The following CLEC4A variants were observed in gnomAD, a reference collection of about 807,000 sequenced individuals.
CLEC4A encodes C-type lectin domain family 4 member A, also known as C-type (calcium dependent, carbohydrate-recognition domain) lectin, superfamily member 6.
In CLEC4A, 27 loss-of-function variants were observed where a neutral mutation model predicts 32.7. The observed-to-expected ratio is 0.83, with a 90% confidence interval of 0.61 to 1.14. The LOEUF (loss-of-function observed/expected upper bound fraction) is 1.14. Among genes scored for constraint, CLEC4A ranks in the 50% most tolerant of loss-of-function variants. CLEC4A has a pLI of 0.00. For synonymous variants in CLEC4A, 89 were observed against 93.7 expected (o/e 0.95, Z 0.29); for missense variants, 253 against 274.6 (o/e 0.92, Z 0.55).
At chr12:8,135,037 A>ATTTTTTTTTTTTTTT (rs1948086052) in intron 3 of CLEC4A, among the ~76,000 whole-genome samples, 1 of 10,278 alleles carries the variant, frequency 9.7e-5, no homozygotes, top group African/African-American at 2.2e-4. Flanking sequence ...AATTCTAACA[A>ATTTTTTTTTTTTTTT]TTTTATTATC....
chr12:8,129,268 C>A lies in CLEC4A; in HGVS notation c.204C>A (p.Phe68Leu). 6.3e-7 allele frequency: 1 copy of A among 1,586,086 alleles called. No individual in the cohort carries two copies. The highest frequency in any genetic ancestry group is 1.4e-5 in the African/African-American group (1 of 73,808). Residue 68 changes from phenylalanine (F) to leucine (L), a missense_variant, in exon 3 of 6, where the codon TTC (phenylalanine) becomes TTA (leucine). Physicochemically the swap from Phe to Leu is conservative, Grantham distance 22 (BLOSUM62 0). Coordinates refer to ENST00000229332, the MANE Select transcript of CLEC4A (RefSeq NM_016184.4). ...AISFFIAFVIFFQKYSQLLEK... is the reference protein window; with the variant it reads ...AISFFIAFVILFQKYSQLLEK... ...GGTCTTTATTCTCTTTTCCAGTTTTCTTTCAAAAATATTCTCAGCTTCTTG... is the reference window on the plus strand; with the variant it reads ...GGTCTTTATTCTCTTTTCCAGTTTTATTTCAAAAATATTCTCAGCTTCTTG...
intron 2 of CLEC4A, 26 bp downstream of exon 2, chr12:8,125,703 G>A: frequency 1.5e-6 from 2 of 1,301,656 alleles, no homozygotes; most frequent in Admixed American, 3.4e-5. Context: ...GAACCAATAA[G>A]CAATATCTGC....
intron 3 of CLEC4A, among the ~76,000 whole-genome samples, chr12:8,135,111 T>A (rs999337281): frequency 1.5e-5 from 2 of 130,532 alleles, no homozygotes; most frequent in Non-Finnish European, 3.2e-5. Context: ...GTCTTGAACT[T>A]CTGGGATCAA....
chr12:8,104,166 C>T, the CLEC4A span, among the ~76,000 whole-genome samples: 2 of 19,300 alleles, frequency 1.0e-4, no homozygotes, highest in Non-Finnish European at 1.9e-4. Context: ...CAGAAAATCT[C>T]ATTTTTTTTT....
chr12:8,138,201 A>G lies in CLEC4A; in HGVS notation c.628A>G (p.Lys210Glu), dbSNP rs1948160349. 1 of 1,614,026 alleles carries G rather than the reference A, an allele frequency of 6.2e-7. No individual in the cohort carries two copies. Among genetic ancestry groups the G allele is most frequent in the Admixed American group, 1.7e-5 (1 of 59,990 alleles). Residue 210 changes from lysine (K) to glutamate (E), a missense_variant, in exon 6 of 6, where the codon AAA (lysine) becomes GAA (glutamate). Coordinates refer to ENST00000229332, the MANE Select transcript of CLEC4A (RefSeq NM_016184.4). ...GCGCTGCGTTGTGCTAAATTTTCGT[A>G]AATCACCCAAAAGATGGGGCTGGAA... ...NERCVVLNFR[K>E]SPKRWGWNDV...
intron 4 of CLEC4A, 64 bp downstream of exon 4, chr12:8,135,800 A>G: frequency 6.5e-7 from 1 of 1,546,726 alleles, no homozygotes; most frequent in Non-Finnish European, 8.8e-7. Context: ...CTCTTGGCTA[A>G]GAAGGAGGTT....
chr12:8,119,214 A>AT (rs906901069), upstream of CLEC4A, among the ~76,000 whole-genome samples: 8 of 152,116 alleles, frequency 5.3e-5, no homozygotes, highest in South Asian at 2.1e-4. Flanking sequence ...AATAAGATAG[A>AT]TTTTTTATTT....
the CLEC4A span, among the ~76,000 whole-genome samples, chr12:8,110,792 G>A: frequency 6.6e-6 from 1 of 151,988 alleles, no homozygotes; most frequent in African/African-American, 2.4e-5. Flanking sequence ...CAGTGTGAGT[G>A]CCCCCCTTGC....
the CLEC4A span, among the ~76,000 whole-genome samples, chr12:8,103,371 C>CTTTTTTTTTTTTTTTTTTTTTTTTTTTT: frequency 2.0e-5 from 1 of 49,020 alleles, no homozygotes; most frequent in East Asian, 8.3e-4. Flanking sequence ...TTGTTTCTTT[C>CTTTTTTTTTTTTTTTTTTTTTTTTTTTT]TGTTGTTTTT....
chr12:8,124,602 C>A (rs1947871463), intron 1 of CLEC4A, among the ~76,000 whole-genome samples: 1 of 151,934 alleles, frequency 6.6e-6, no homozygotes, highest in African/African-American at 2.4e-5. Context: ...TGTGATATCT[C>A]AAGTATAGAG....
At chr12:8,127,541 A>G (rs898851920) in intron 2 of CLEC4A, among the ~76,000 whole-genome samples, 2 of 152,214 alleles carry the variant, frequency 1.3e-5, no homozygotes, top group Admixed American at 6.5e-5. Context: ...GAAGAATTTT[A>G]AGCAGGGAAT....
At chr12:8,112,727 G>A in the CLEC4A span, among the ~76,000 whole-genome samples, 2 of 152,114 alleles carry the variant, frequency 1.3e-5, no homozygotes, top group Admixed American at 1.3e-4. Context: ...TAAGTCCTCA[G>A]GGTTATTATC....
At chr12:8,134,346 T>A in intron 3 of CLEC4A, 1 of 1,612,102 alleles carries the variant, frequency 6.2e-7, no homozygotes, top group African/African-American at 1.3e-5. Flanking sequence ...ACCCCCAGGG[T>A]GAGCCACATC....
chr12:8,111,322 G>A, the CLEC4A span, among the ~76,000 whole-genome samples: 2 of 151,602 alleles, frequency 1.3e-5, no homozygotes, highest in Admixed American at 1.3e-4. Context: ...TGGGATTACA[G>A]GCGTGCACCA....
At chr12:8,116,541 G>A in the CLEC4A span, among the ~76,000 whole-genome samples, 2 of 152,158 alleles carry the variant, frequency 1.3e-5, no homozygotes, top group African/African-American at 4.8e-5. Flanking sequence ...ATCTGTATTG[G>A]CAAGATGAGT....
the CLEC4A span, among the ~76,000 whole-genome samples, chr12:8,107,386 G>C: frequency 3.3e-5 from 5 of 152,268 alleles, no homozygotes; most frequent in African/African-American, 7.2e-5. Flanking sequence ...ACTGGCTTCA[G>C]AGAATCAGTT....
At chr12:8,104,928 A>G in the CLEC4A span, among the ~76,000 whole-genome samples, 1 of 152,122 alleles carries the variant, frequency 6.6e-6, no homozygotes, top group South Asian at 2.1e-4. Flanking sequence ...ATGGCTGCAT[A>G]GTATTCCATA....
chr12:8,134,127 C>G, intron 3 of CLEC4A: 1 of 1,601,740 alleles, frequency 6.2e-7, no homozygotes, highest in Non-Finnish European at 8.5e-7. Flanking sequence ...TCCAGGTTGC[C>G]TCTCACTTGG....
chr12:8,138,373 G>T lies in CLEC4A; in HGVS notation c.*86G>T. On this transcript the variant is annotated 3_prime_UTR_variant, in exon 6 of 6. Transcript: ENST00000229332. ...TAAGCTCTTCTTATTCATGTGTAAG[G>T]GAGGTCCATAGAATTTAGGTGGTCT... 6.6e-7 allele frequency: 1 copy of T among 1,508,844 alleles called. No individual in the cohort carries two copies. 93.5% of individuals were successfully genotyped at this position (1,508,844 alleles called of 1,614,324 possible).
Sources: gnomAD v4.1 joint callset for allele counts (sites outside exome capture counted in the v4.1 genomes callset) on GRCh38, gnomAD v4.1.1 for gene constraint, MANE v1.5 for transcripts, NCBI Gene and HGNC (gene_info 2026-07-23, HGNC 2026-07-21) for gene names.